Variants in CDK13 observed in about 807,000 individuals in gnomAD.
The protein encoded by CDK13 is cyclin-dependent kinase 13.
Under a neutral mutation model 137.6 loss-of-function variants are expected in CDK13, and 40 were observed. The observed-to-expected ratio is 0.29, with a 90% CI of 0.23 to 0.38. CDK13 has a LOEUF of 0.38. CDK13 is among the 10% of genes least tolerant of loss of function. CDK13 has a pLI of 1.00. For missense variants in CDK13, 1,704 were observed against 1,951.8 expected (o/e 0.87, Z 2.39); for synonymous variants, 869 against 760.1 (o/e 1.14, Z -2.36).
chr7:40,012,692 A>G (rs1341477182), intron 5 of CDK13, among the ~76,000 whole-genome samples: 1 of 152,162 alleles, frequency 6.6e-6, no homozygotes, highest in Non-Finnish European at 1.5e-5. Flanking sequence ...AGGTGGGCGG[A>G]TCACCTGAGG....
intron 12 of CDK13, 165 bp from the exon 13 acceptor site, chr7:40,092,620 A>G (rs988938427): frequency 1.5e-5 from 9 of 588,338 alleles, no homozygotes; most frequent in Non-Finnish European, 2.4e-5. Context: ...GTACATTTTA[A>G]ATGTACATGA....
chr7:40,054,362 A>C (rs1785963185), intron 7 of CDK13, among the ~76,000 whole-genome samples: 1 of 152,196 alleles, frequency 6.6e-6, no homozygotes, highest in African/African-American at 2.4e-5. Flanking sequence ...ATAAACAAAA[A>C]ATATTTTGAT....
intron 11 of CDK13, among the ~76,000 whole-genome samples, chr7:40,084,935 T>C (rs1461577260): frequency 2.6e-5 from 4 of 152,208 alleles, no homozygotes; most frequent in Non-Finnish European, 5.9e-5. Flanking sequence ...AAATAAAAGT[T>C]TGGTTATCTG....
Position 39,951,455 on chromosome 7 carries a change from A to C in CDK13, c.814A>C (p.Lys272Gln), listed in dbSNP as rs1787192961. Residue 272 changes from lysine to glutamine, a missense_variant, in exon 1 of 14, where the codon AAG becomes CAG. Lys to Gln is a moderately conservative substitution (Grantham distance 53). Transcript: ENST00000181839. Reference sequence around the variant, plus strand: ...CACATCCAGCAGCAGTAGCAGCCGCAAGGACCGGGACTCGAAGGCCCACCG... The same window carrying C: ...CACATCCAGCAGCAGTAGCAGCCGCCAGGACCGGGACTCGAAGGCCCACCG... Reference protein sequence around the residue: ...SATSSSSSSRKDRDSKAHRSR... With the variant: ...SATSSSSSSRQDRDSKAHRSR... 1 of 1,538,038 alleles carries C rather than the reference A, an allele frequency of 6.5e-7. No homozygotes were observed. The highest frequency in any genetic ancestry group is 8.7e-7 in the Non-Finnish European group (1 of 1,143,026).
At chr7:39,964,785 A>G (rs999588051) in intron 1 of CDK13, among the ~76,000 whole-genome samples, 3 of 149,240 alleles carry the variant, frequency 2.0e-5, no homozygotes, top group African/African-American at 7.4e-5. Context: ...CCCTCTACAC[A>G]CTGCTTTGAA....
intron 9 of CDK13, among the ~76,000 whole-genome samples, chr7:40,077,576 C>T (rs1377193839): frequency 6.6e-6 from 1 of 152,168 alleles, no homozygotes; most frequent in Admixed American, 6.5e-5. Flanking sequence ...TAACGAGGGC[C>T]GGGCGTGGTG....
At chr7:40,011,157 A>G (rs895580367) in intron 5 of CDK13, among the ~76,000 whole-genome samples, 5 of 152,186 alleles carry the variant, frequency 3.3e-5, no homozygotes, top group Non-Finnish European at 5.9e-5. Context: ...TTCATATGCA[A>G]ATTCAAAGGA....
chr7:39,983,753 A>G (rs1403891243), intron 1 of CDK13, among the ~76,000 whole-genome samples: 2 of 152,230 alleles, frequency 1.3e-5, no homozygotes, highest in Non-Finnish European at 2.9e-5. Flanking sequence ...TGGAGCTCCA[A>G]CAAAATCTGA....
intron 1 of CDK13, among the ~76,000 whole-genome samples, chr7:39,977,533 C>CT (rs1784136310): frequency 6.6e-6 from 1 of 152,140 alleles, no homozygotes; most frequent in Admixed American, 6.6e-5. Context: ...TAAGAGAGGG[C>CT]TTTATAAAGG....
At chr7:40,040,144 T>C (rs1266185168) in intron 5 of CDK13, among the ~76,000 whole-genome samples, 1 of 152,192 alleles carries the variant, frequency 6.6e-6, no homozygotes, top group Non-Finnish European at 1.5e-5. Context: ...CCCCAGTAGC[T>C]GGGATTACAG....
chr7:40,003,227 T>TCTCTCTC (rs1784731983), intron 5 of CDK13, among the ~76,000 whole-genome samples: 13 of 84,354 alleles, frequency 1.5e-4, no homozygotes, highest in African/African-American at 6.7e-4. Context: ...CTCTCTCTCT[T>TCTCTCTC]ACTCTGTTGA....
rs1264469598 is a variant in CDK13, at chr7:40,098,462, A to AG, written c.*3482_*3483insG. 6.6e-6 allele frequency: 1 copy of AG among 151,850 alleles called. No individual in the cohort carries two copies. The highest frequency in any genetic ancestry group is 6.6e-5 in the Admixed American group (1 of 15,246). 9.4% of individuals were successfully genotyped at this position (151,850 alleles called of 1,614,324 possible). On this transcript the variant is annotated 3_prime_UTR_variant, in exon 14 of 14. Coordinates refer to ENST00000181839, the MANE Select transcript of CDK13 (RefSeq NM_003718.5). ...TTCTTGTAGGACATAGGTAAAAAAAACAAAGCTGAAATATATGTTTTGAAT... is the reference window on the plus strand; with the variant it reads ...TTCTTGTAGGACATAGGTAAAAAAAAGCAAAGCTGAAATATATGTTTTGAAT...
At chr7:40,032,407 A>G (rs1785399780) in intron 5 of CDK13, among the ~76,000 whole-genome samples, 1 of 152,186 alleles carries the variant, frequency 6.6e-6, no homozygotes, top group African/African-American at 2.4e-5. Flanking sequence ...GCTATCCAAC[A>G]TATTAGTTTC....
chr7:40,036,557 C>T (rs113466598), intron 5 of CDK13, among the ~76,000 whole-genome samples: 16,886 of 151,734 alleles, frequency 0.11, 2,920 homozygotes, highest in African/African-American at 0.37. Context: ...GGTGACAGCG[C>T]GAGACTCCGT....
intron 7 of CDK13, among the ~76,000 whole-genome samples, chr7:40,053,325 T>C (rs982198121): frequency 2.0e-5 from 3 of 152,202 alleles, no homozygotes; most frequent in African/African-American, 4.8e-5. Context: ...CCCAGAAAAA[T>C]GTCTACTCCT....
intron 11 of CDK13, among the ~76,000 whole-genome samples, chr7:40,080,938 A>C (rs1786650325): frequency 6.6e-6 from 1 of 152,214 alleles, no homozygotes; most frequent in Admixed American, 6.5e-5. Context: ...TAACATGAGA[A>C]TATTTAATGG....
rs1308581137 is a variant in CDK13 at position 39,950,478 on chromosome 7, C to T, written c.-164C>T. 1 of 1,258,434 alleles carries T rather than the reference C, an allele frequency of 7.9e-7. No individual in the cohort carries two copies. Among genetic ancestry groups the T allele is most frequent in the Non-Finnish European group, 1.0e-6 (1 of 1,002,874 alleles). The allele number at this position is 1,258,434 out of a possible 1,614,324, so 78.0% of individuals were successfully genotyped here. A position where few individuals can be genotyped will look rare whatever the true frequency, so the allele number is the denominator to read the frequency against. On this transcript the variant is annotated 5_prime_UTR_variant, in exon 1 of 14. Transcript: ENST00000181839. The stretch of plus-strand genomic sequence containing the variant: ...TGCGTACCCCACTGTGACCTGGAAC[C>T]CAGGGACCCGAGTCCCGACCCGGAT...
intron 12 of CDK13, chr7:40,092,305 A>C (rs1354815942): frequency 6.4e-6 from 1 of 156,034 alleles, no homozygotes; most frequent in African/African-American, 2.4e-5. Context: ...CCACTTACAG[A>C]ATATTTGCCC....
intron 5 of CDK13, among the ~76,000 whole-genome samples, chr7:40,039,771 A>C (rs1785565875): frequency 6.6e-6 from 1 of 152,106 alleles, no homozygotes; most frequent in African/African-American, 2.4e-5. Context: ...TGTAAGTTGC[A>C]GCTAATTTTT....
Sources: gnomAD v4.1 joint callset for allele counts (sites outside exome capture counted in the v4.1 genomes callset) on GRCh38, gnomAD v4.1.1 for gene constraint, MANE v1.5 for transcripts, NCBI Gene and HGNC (gene_info 2026-07-23, HGNC 2026-07-21) for gene names.